PTPRE: variants seen among roughly 807,000 people sequenced by gnomAD.
PTPRE encodes the protein receptor-type tyrosine-protein phosphatase epsilon.
PTPRE carries 51 observed loss-of-function variants against 102.0 expected under a neutral mutation model. The observed-to-expected ratio is 0.50, with a 90% CI of 0.40 to 0.63. The LOEUF (loss-of-function observed/expected upper bound fraction) is 0.63. Among genes scored for constraint, PTPRE ranks in the 30% least tolerant of loss-of-function variants. PTPRE has a pLI of 0.00. For synonymous variants in PTPRE, 345 were observed against 348.2 expected, an observed-to-expected ratio of 0.99 and a Z score of 0.10; for missense variants, 752 against 915.1, an observed-to-expected ratio of 0.82 and a Z score of 2.30.
At chr10:128,023,645 C>A (rs1846089175) in intron 2 of PTPRE, among the ~76,000 whole-genome samples, 1 of 152,192 alleles carries the variant, frequency 6.6e-6, no homozygotes, top group South Asian at 2.1e-4. Context: ...GGCTCTTGGA[C>A]CGTATCCCGC....
rs989856467 is a variant in PTPRE, at chr10:128,084,068, T to C, written c.*1162T>C. On this transcript the variant is annotated 3_prime_UTR_variant, in exon 21 of 21. Transcript: ENST00000254667. ...ATCTAAAAGCTAAATTATTTTTGAA[T>C]GGAAATACTACTGAGACCATTGACA... 6.6e-6 allele frequency: 1 copy of C among 151,274 alleles called. No homozygotes were observed. The highest frequency in any genetic ancestry group is 1.5e-5 in the Non-Finnish European group (1 of 67,954). 9.4% of individuals were successfully genotyped at this position (151,274 alleles called of 1,614,324 possible).
chr10:127,911,493 G>A (rs1483001811), intron 1 of PTPRE, among the ~76,000 whole-genome samples: 1 of 152,212 alleles, frequency 6.6e-6, no homozygotes, highest in Non-Finnish European at 1.5e-5. Flanking sequence ...TAAGAGAGCA[G>A]CTTCTAGACC....
intron 3 of PTPRE, among the ~76,000 whole-genome samples, chr10:128,043,177 AT>A (rs1281781083): frequency 6.6e-6 from 1 of 152,164 alleles, no homozygotes; most frequent in East Asian, 1.9e-4. Context: ...CATTATATTT[AT>A]TTTGTACTTT....
intron 6 of PTPRE, among the ~76,000 whole-genome samples, chr10:128,054,131 A>G (rs1848765707): frequency 2.6e-5 from 4 of 152,178 alleles, no homozygotes; most frequent in Admixed American, 2.6e-4. Flanking sequence ...GAAAGTACAG[A>G]GTTCCCATAT....
chr10:128,049,085 G>T (rs1848336309), intron 5 of PTPRE, among the ~76,000 whole-genome samples: 1 of 152,130 alleles, frequency 6.6e-6, no homozygotes, highest in Admixed American at 6.6e-5. Context: ...TTGTTATGAA[G>T]AAGAAAAGGC....
intron 2 of PTPRE, among the ~76,000 whole-genome samples, chr10:127,990,411 CAAAAAA>C (rs60034358): frequency 1.5e-5 from 1 of 65,738 alleles, no homozygotes; most frequent in Non-Finnish European, 2.9e-5. Context: ...GACTCCACCT[CAAAAAA>C]AAAAAAAAAA....
chr10:127,987,734 G>A (rs11016000), intron 2 of PTPRE, among the ~76,000 whole-genome samples: 20,494 of 152,228 alleles, frequency 0.13, 1,680 homozygotes, highest in Non-Finnish European at 0.18. Context: ...CCTAACAATT[G>A]CTGGGGACAT....
intron 1 of PTPRE, chr10:127,929,570 A>G (rs1439384071): frequency 6.6e-6 from 1 of 152,210 alleles, no homozygotes; most frequent in Admixed American, 6.5e-5. Flanking sequence ...GGTTCCCTGG[A>G]ATACGGATCC....
At chr10:128,040,489 C>A (rs538107440) in intron 2 of PTPRE, among the ~76,000 whole-genome samples, 1 of 152,050 alleles carries the variant, frequency 6.6e-6, no homozygotes, top group African/African-American at 2.4e-5. Flanking sequence ...GTTAGCAGGG[C>A]GAGTGGAGGG....
chr10:128,046,493 C>T (rs1216125125), intron 3 of PTPRE, among the ~76,000 whole-genome samples: 6 of 152,302 alleles, frequency 3.9e-5, no homozygotes, highest in Admixed American at 6.5e-5. Context: ...CATGGCAGAG[C>T]GAGGTTTGCG....
At chr10:127,928,351 C>T (rs186108672) in intron 1 of PTPRE, among the ~76,000 whole-genome samples, 5 of 152,318 alleles carry the variant, frequency 3.3e-5, no homozygotes, top group Admixed American at 1.3e-4. Flanking sequence ...ATCTTGTTTG[C>T]TATCAACAGG....
intron 3 of PTPRE, among the ~76,000 whole-genome samples, chr10:128,047,024 C>T (rs1168723255): frequency 6.6e-6 from 1 of 152,228 alleles, no homozygotes. Context: ...GCCGAGTCAG[C>T]CTCCCGCGCT....
At position 128,056,110 on chromosome 10, in the gene PTPRE, C is replaced by A; in HGVS notation, c.421-13C>A. 6.3e-7 allele frequency: 1 copy of A among 1,585,922 alleles called. No homozygotes were observed. The highest frequency in any genetic ancestry group is 8.7e-7 in the Non-Finnish European group (1 of 1,154,906). ...TCCATCACATTTCATACTAATGCTA[C>A]ATTTTCTTCCAGTCATTGCCATCTG... On this transcript the variant is annotated splice_polypyrimidine_tract_variant and intron_variant, in intron 6 of 20. Coordinates refer to ENST00000254667, the MANE Select transcript of PTPRE (RefSeq NM_006504.6).
chr10:128,004,409 A>T (rs1253861268), intron 2 of PTPRE, among the ~76,000 whole-genome samples: 2 of 152,086 alleles, frequency 1.3e-5, no homozygotes, highest in African/African-American at 2.4e-5. Flanking sequence ...CTAAGCAATC[A>T]ATCTCCATTT....
intron 2 of PTPRE, among the ~76,000 whole-genome samples, chr10:128,031,016 G>A (rs773982077): frequency 5.9e-5 from 9 of 152,256 alleles, no homozygotes; most frequent in Non-Finnish European, 1.0e-4. Flanking sequence ...CTTTGGAAGT[G>A]GGGAGGTGGG....
intron 3 of PTPRE, among the ~76,000 whole-genome samples, chr10:128,043,570 T>C (rs985754489): frequency 6.6e-6 from 1 of 152,222 alleles, no homozygotes; most frequent in Non-Finnish European, 1.5e-5. Flanking sequence ...TGGATGAATG[T>C]AGAAGTTGGA....
chr10:128,018,879 C>CAT (rs1845640403), intron 2 of PTPRE, among the ~76,000 whole-genome samples: 1 of 152,036 alleles, frequency 6.6e-6, no homozygotes, highest in Admixed American at 6.6e-5. Flanking sequence ...CTCTCACACA[C>CAT]ACACACACAC....
chr10:128,067,003 T>C (rs1414401639), intron 11 of PTPRE, among the ~76,000 whole-genome samples: 28 of 103,880 alleles, frequency 2.7e-4, no homozygotes, highest in African/African-American at 1.1e-4. Flanking sequence ...CACACACACG[T>C]ACACCTACCC....
intron 1 of PTPRE, among the ~76,000 whole-genome samples, chr10:127,970,132 C>A (rs1222247487): frequency 6.6e-6 from 1 of 152,186 alleles, no homozygotes; most frequent in Non-Finnish European, 1.5e-5. Flanking sequence ...TCCCAGGCCC[C>A]CAGTGGCCTG....
Sources: allele counts gnomAD v4.1 joint callset (sites outside exome capture counted in the v4.1 genomes callset), GRCh38; gene constraint gnomAD v4.1.1; transcripts MANE v1.5; gene names NCBI Gene and HGNC (gene_info 2026-07-23, HGNC 2026-07-21).